The following DTNBP1 variants were observed in gnomAD, a reference collection of about 807,000 sequenced individuals.
DTNBP1 encodes the protein dysbindin.
In DTNBP1, 35 loss-of-function variants were observed where a neutral mutation model predicts 42.8. The observed-to-expected ratio is 0.82, with a 90% CI of 0.63 to 1.09. The LOEUF (loss-of-function observed/expected upper bound fraction) is 1.09. Ranked by LOEUF, DTNBP1 falls within the 50% of genes least tolerant of loss-of-function variation. The pLI is 0.00. For synonymous variants in DTNBP1, 171 were observed against 162.2 expected (o/e 1.05, Z -0.41); for missense variants, 457 against 424.2 (o/e 1.08, Z -0.68).
Position 15,524,513 on chromosome 6 carries a change from T to C in DTNBP1, c.811+13A>G. The C allele has an allele frequency of 6.2e-7, 1 of 1,608,376 alleles. No individual in the cohort carries two copies. Among genetic ancestry groups the C allele is most frequent in the Non-Finnish European group, 8.5e-7 (1 of 1,175,912 alleles). On this transcript the variant is annotated intron_variant, in intron 9 of 9. Coordinates refer to ENST00000344537, the MANE Select transcript of DTNBP1 (RefSeq NM_032122.5). ...CTGCCCTGGTTCAGCTAATGCAAGTTTGTCAACCCTACCTAAGGCGGGGGA... is the reference window on the plus strand; with the variant it reads ...CTGCCCTGGTTCAGCTAATGCAAGTCTGTCAACCCTACCTAAGGCGGGGGA...
At chr6:15,639,406 A>G (rs746838233) in intron 3 of DTNBP1, among the ~76,000 whole-genome samples, 1 of 152,214 alleles carries the variant, frequency 6.6e-6, no homozygotes, top group Non-Finnish European at 1.5e-5. Flanking sequence ...TATCCAGCGA[A>G]TATTTCTCCA....
At chr6:15,583,002 C>G (rs1312526162) in intron 7 of DTNBP1, among the ~76,000 whole-genome samples, 1 of 152,094 alleles carries the variant, frequency 6.6e-6, no homozygotes, top group Non-Finnish European at 1.5e-5. Flanking sequence ...ATTTTAGAGA[C>G]AGGGTCTTGC....
At chr6:15,639,247 T>G (rs1760201138) in intron 3 of DTNBP1, among the ~76,000 whole-genome samples, 1 of 152,238 alleles carries the variant, frequency 6.6e-6, no homozygotes, top group Non-Finnish European at 1.5e-5. Context: ...ATGCTAACAC[T>G]GGGAAAGCTG....
Position 15,662,982 on chromosome 6 carries a change from T to C in DTNBP1, c.-113A>G. ...GTCACCGCGCGCCCCGCACTCCCAC[T>C]ACCGGCCCCGCCCCCGGTCTGGTCC... is the stretch of plus-strand genomic sequence containing the variant. On this transcript the variant is annotated 5_prime_UTR_variant, in exon 1 of 10. Transcript: ENST00000344537. The C allele has an allele frequency of 2.1e-6, 3 of 1,427,144 alleles. No homozygotes were observed. Among genetic ancestry groups the C allele is most frequent in the Non-Finnish European group, 2.9e-6 (3 of 1,036,110 alleles). The allele number at this position is 1,427,144 out of a possible 1,614,324, so 88.4% of individuals were successfully genotyped here.
At chr6:15,618,211 A>C (rs187682246) in intron 5 of DTNBP1, among the ~76,000 whole-genome samples, 13 of 152,344 alleles carry the variant, frequency 8.5e-5, no homozygotes, top group Admixed American at 2.6e-4. Flanking sequence ...CTGAATAGAC[A>C]TCTCTCAAAA....
chr6:15,624,312 C>T (rs1759216300), intron 5 of DTNBP1, among the ~76,000 whole-genome samples: 1 of 152,196 alleles, frequency 6.6e-6, no homozygotes, highest in Non-Finnish European at 1.5e-5. Context: ...CCTTGTTTTC[C>T]AGTTCCCAGC....
At chr6:15,627,636 A>G (rs78572707) in intron 4 of DTNBP1, among the ~76,000 whole-genome samples, 161 bp from the exon 5 acceptor site, 52 of 152,334 alleles carry the variant, frequency 3.4e-4, no homozygotes, top group African/African-American at 1.2e-3. Flanking sequence ...TTTTTAGAAA[A>G]GAAACAACTT....
At chr6:15,533,429 A>T (rs1341248450) in intron 7 of DTNBP1, 34 bp from the exon 8 acceptor site, 18 of 1,613,986 alleles carry the variant, frequency 1.1e-5, no homozygotes, top group East Asian at 4.5e-5. Context: ...TTAGGGTTTG[A>T]AAAGGGACTG....
intron 7 of DTNBP1, among the ~76,000 whole-genome samples, chr6:15,589,300 G>T (rs1397492469): frequency 2.6e-5 from 4 of 152,176 alleles, no homozygotes; most frequent in African/African-American, 9.7e-5. Context: ...TCATCACTGG[G>T]AATTGCTCCC....
At chr6:15,577,305 CAG>C (rs1775622143) in intron 7 of DTNBP1, among the ~76,000 whole-genome samples, 1 of 152,176 alleles carries the variant, frequency 6.6e-6, no homozygotes, top group South Asian at 2.1e-4. Flanking sequence ...TGGGAGGCCA[CAG>C]AGAGTTTGGC....
At chr6:15,524,784 G>C in intron 8 of DTNBP1, 115 bp from the exon 9 acceptor site, 3 of 1,489,810 alleles carry the variant, frequency 2.0e-6, no homozygotes, top group Non-Finnish European at 2.7e-6. Flanking sequence ...CTTCAAAATG[G>C]AATTTGAAGC....
chr6:15,556,226 G>C (rs1356652653), intron 7 of DTNBP1, among the ~76,000 whole-genome samples: 1 of 150,268 alleles, frequency 6.7e-6, no homozygotes, highest in Non-Finnish European at 1.5e-5. Context: ...TTGTTGCCCA[G>C]GCTGGAGTGC....
chr6:15,546,801 C>T (rs1311553094), intron 7 of DTNBP1, among the ~76,000 whole-genome samples: 2 of 152,090 alleles, frequency 1.3e-5, no homozygotes. Flanking sequence ...GGATGAGTCA[C>T]AGTTCGAAGG....
chr6:15,638,761 A>T (rs56259283), intron 3 of DTNBP1, among the ~76,000 whole-genome samples: 1 of 152,192 alleles, frequency 6.6e-6, no homozygotes, highest in Non-Finnish European at 1.5e-5. Flanking sequence ...TTACCAAAAA[A>T]GTACTAACTT....
At chr6:15,541,370 A>G (rs1773551495) in intron 7 of DTNBP1, among the ~76,000 whole-genome samples, 1 of 152,238 alleles carries the variant, frequency 6.6e-6, no homozygotes, top group South Asian at 2.1e-4. Flanking sequence ...GTTTAACAGC[A>G]TCTGAATTTT....
chr6:15,561,351 G>A (rs973322159), intron 7 of DTNBP1, among the ~76,000 whole-genome samples: 4 of 152,170 alleles, frequency 2.6e-5, no homozygotes, highest in African/African-American at 9.7e-5. Context: ...CTTTACTCTT[G>A]TGGAATATAC....
At chr6:15,555,849 T>C (rs552297062) in intron 7 of DTNBP1, among the ~76,000 whole-genome samples, 7 of 152,350 alleles carry the variant, frequency 4.6e-5, no homozygotes, top group Middle Eastern at 3.4e-3. Flanking sequence ...CACTTTACTC[T>C]GAATTTGCCT....
chr6:15,591,444 A>G (rs1776295562), intron 7 of DTNBP1, among the ~76,000 whole-genome samples: 1 of 152,284 alleles, frequency 6.6e-6, no homozygotes, highest in Admixed American at 6.5e-5. Context: ...ACACTCAAGA[A>G]GAAACAATTT....
At chr6:15,523,294 G>C in intron 9 of DTNBP1, 75 bp from the exon 10 acceptor site, 1 of 1,582,380 alleles carries the variant, frequency 6.3e-7, no homozygotes, top group Non-Finnish European at 8.7e-7. Context: ...AACAGCTGTG[G>C]AATGTGCCCG....
Sources: gnomAD v4.1 joint callset for allele counts (sites outside exome capture counted in the v4.1 genomes callset) on GRCh38, gnomAD v4.1.1 for gene constraint, MANE v1.5 for transcripts, NCBI Gene and HGNC (gene_info 2026-07-23, HGNC 2026-07-21) for gene names.